GALNT1: variants seen among roughly 807,000 people sequenced by gnomAD.
The protein encoded by GALNT1 is polypeptide N-acetylgalactosaminyltransferase 1.
A neutral mutation model predicts 65.7 loss-of-function variants in GALNT1; 17 were observed. That is an observed-to-expected ratio of 0.26 (90% confidence interval 0.18 to 0.39). The LOEUF (loss-of-function observed/expected upper bound fraction) is 0.39, where lower values mean the gene tolerates loss of function less well. Ranked by LOEUF, GALNT1 falls within the 10% of genes least tolerant of loss-of-function variation. The pLI is 1.00. For synonymous variants in GALNT1, 210 were observed against 219.7 expected (o/e 0.96, Z 0.39); for missense variants, 460 against 672.8 (o/e 0.68, Z 3.50).
chr18:35,668,253 A>C (rs778461684), intron 3 of GALNT1, among the ~76,000 whole-genome samples: 2 of 152,202 alleles, frequency 1.3e-5, no homozygotes, highest in Non-Finnish European at 2.9e-5. Flanking sequence ...TCAAAAGTTC[A>C]TGGGAAAAAA....
intron 2 of GALNT1, among the ~76,000 whole-genome samples, chr18:35,659,128 A>G (rs1253476400): frequency 6.6e-6 from 1 of 152,196 alleles, no homozygotes; most frequent in African/African-American, 2.4e-5. Context: ...ACTTTTTCAT[A>G]TTGGAAGTAC....
intron 9 of GALNT1, among the ~76,000 whole-genome samples, chr18:35,697,193 T>C (rs929130408): frequency 6.6e-6 from 1 of 152,176 alleles, no homozygotes; most frequent in Non-Finnish European, 1.5e-5. Flanking sequence ...CTAGAGCCTC[T>C]GTATGTATTA....
rs78519840 is a variant in GALNT1 at position 35,656,185 on chromosome 18, A to G, written c.139+1384A>G. ...ACCCTACCTTAATTCATTGCCATTT[A>G]TAATAAGCTCATGGTGTTCTATCTT... is the stretch of plus-strand genomic sequence containing the variant. On this transcript the variant is annotated intron_variant, in intron 2 of 11. Transcript: ENST00000269195. 9.3e-3 allele frequency among the ~76,000 whole-genome samples: 1,421 copies of G among 152,348 alleles called. 22 individuals carry two copies. The highest frequency in any genetic ancestry group is 0.033 in the African/African-American group (1,354 of 41,576).
intron 5 of GALNT1, 63 bp from the exon 6 acceptor site, chr18:35,686,953 T>G: frequency 6.8e-7 from 1 of 1,468,432 alleles, no homozygotes; most frequent in Non-Finnish European, 9.3e-7. Context: ...ATACAATTGT[T>G]CTGTAGTTGG....
At chr18:35,636,806 T>C (rs1409212683) in intron 1 of GALNT1, among the ~76,000 whole-genome samples, 1 of 149,856 alleles carries the variant, frequency 6.7e-6, no homozygotes, top group Non-Finnish European at 1.5e-5. Flanking sequence ...TTTTTTTTTT[T>C]TTCAACAAAT....
At chr18:35,653,236 A>T (rs1202751579) in intron 1 of GALNT1, among the ~76,000 whole-genome samples, 1 of 152,204 alleles carries the variant, frequency 6.6e-6, no homozygotes, top group African/African-American at 2.4e-5. Context: ...GAATATAGGC[A>T]AGAGATCAAA....
intron 5 of GALNT1, among the ~76,000 whole-genome samples, chr18:35,684,363 G>T (rs1225085203): frequency 6.6e-6 from 1 of 152,096 alleles, no homozygotes; most frequent in Non-Finnish European, 1.5e-5. Context: ...CCCTTTCAAA[G>T]ATGAATAAAT....
At position 35,643,888 on chromosome 18, in the gene GALNT1, G is replaced by C. The variant is rs551313270; in HGVS notation, c.-103-10672G>C. Among the ~76,000 whole-genome samples, 11 of 151,912 alleles carry C rather than the reference G, an allele frequency of 7.2e-5. 1 individual carries two copies. Among genetic ancestry groups the C allele is most frequent in the African/African-American group, 2.4e-4 (10 of 41,454 alleles). Reference sequence around the variant, plus strand: ...TGGTGTTTCATTGGGATGCAAATTTGTAGGGAGTTTGTATCTTTTGCTTTT... The same window carrying C: ...TGGTGTTTCATTGGGATGCAAATTTCTAGGGAGTTTGTATCTTTTGCTTTT... On this transcript the variant is annotated intron_variant, in intron 1 of 11. Transcript: ENST00000269195.
intron 1 of GALNT1, among the ~76,000 whole-genome samples, chr18:35,626,823 C>T (rs891962808): frequency 2.0e-5 from 3 of 152,202 alleles, no homozygotes; most frequent in Non-Finnish European, 4.4e-5. Context: ...TACTTCTGTA[C>T]TCTCCAACAA....
intron 11 of GALNT1, among the ~76,000 whole-genome samples, chr18:35,704,724 ACCTCCACCTCCCTGGTT>A (rs1284637418): frequency 7.3e-5 from 11 of 151,358 alleles, no homozygotes; most frequent in Admixed American, 5.9e-4. Context: ...GGCTCATGCA[ACCTCCACCTCCCTGGTT>A]CAAGCTATTC....
chr18:35,655,654 CT>C (rs2047375123), intron 2 of GALNT1, among the ~76,000 whole-genome samples: 1 of 151,722 alleles, frequency 6.6e-6, no homozygotes, highest in East Asian at 1.9e-4. Flanking sequence ...CAAATAATTA[CT>C]CTTTAAACAT....
chr18:35,628,202 C>G (rs2046945955), intron 1 of GALNT1, among the ~76,000 whole-genome samples: 1 of 152,196 alleles, frequency 6.6e-6, no homozygotes. Flanking sequence ...CCCTGTCTGA[C>G]AGCTTGGAAG....
At chr18:35,637,732 A>C (rs1257762483) in intron 1 of GALNT1, among the ~76,000 whole-genome samples, 1 of 152,252 alleles carries the variant, frequency 6.6e-6, no homozygotes, top group Non-Finnish European at 1.5e-5. Context: ...ACAGCCTTCT[A>C]TTGGAAGAAG....
intron 2 of GALNT1, among the ~76,000 whole-genome samples, chr18:35,661,069 C>A (rs1305545795): frequency 6.6e-6 from 1 of 152,128 alleles, no homozygotes; most frequent in Admixed American, 6.6e-5. Context: ...CAACTTTAAG[C>A]TTCTGGTTAT....
intron 4 of GALNT1, among the ~76,000 whole-genome samples, chr18:35,679,943 C>G (rs555249766): frequency 7.2e-5 from 11 of 152,192 alleles, no homozygotes; most frequent in African/African-American, 2.6e-4. Context: ...AACTAATGTC[C>G]CCACATACTC....
At chr18:35,661,471 GT>G (rs1235625432) in intron 2 of GALNT1, among the ~76,000 whole-genome samples, 1 of 150,896 alleles carries the variant, frequency 6.6e-6, no homozygotes, top group Non-Finnish European at 1.5e-5. Flanking sequence ...CTGCACTCTA[GT>G]TTGGGTGACA....
intron 1 of GALNT1, among the ~76,000 whole-genome samples, chr18:35,587,624 C>T (rs955045714): frequency 6.6e-6 from 1 of 152,060 alleles, no homozygotes; most frequent in African/African-American, 2.4e-5. Context: ...CTTCTTTAGC[C>T]TGTCAATATG....
At chr18:35,617,223 C>G (rs2046794536) in intron 1 of GALNT1, among the ~76,000 whole-genome samples, 1 of 151,976 alleles carries the variant, frequency 6.6e-6, no homozygotes, top group South Asian at 2.1e-4. Flanking sequence ...GTGATGTTGT[C>G]TAACTCATCT....
At chr18:35,597,069 T>C (rs905494319) in intron 1 of GALNT1, 8 of 152,198 alleles carry the variant, frequency 5.3e-5, no homozygotes, top group Non-Finnish European at 8.8e-5. Flanking sequence ...AAGGCAACTC[T>C]TGGGGGCTAG....
Sources: allele counts gnomAD v4.1 joint callset (sites outside exome capture counted in the v4.1 genomes callset), GRCh38; gene constraint gnomAD v4.1.1; transcripts MANE v1.5; gene names NCBI Gene and HGNC (gene_info 2026-07-23, HGNC 2026-07-21).